Variants in ESRRG observed in about 807,000 individuals in gnomAD.
ESRRG encodes estrogen-related receptor gamma.
ESRRG carries 13 observed loss-of-function variants against 44.0 expected under a neutral mutation model. The ratio of observed to expected loss-of-function variants is 0.30; its 90% CI spans 0.19 to 0.47. The LOEUF (loss-of-function observed/expected upper bound fraction) is 0.47. ESRRG is among the 20% of genes least tolerant of loss of function. ESRRG has a pLI of 1.00. For missense variants in ESRRG, 395 were observed against 580.6 expected, an observed-to-expected ratio of 0.68 and a Z score of 3.29; for synonymous variants, 215 against 214.6, an observed-to-expected ratio of 1.00 and a Z score of -0.02.
chr1:216,779,837 C>A (rs532460790), intron 2 of ESRRG, among the ~76,000 whole-genome samples: 2 of 151,576 alleles, frequency 1.3e-5, no homozygotes, highest in African/African-American at 4.8e-5. Flanking sequence ...TGACCTTGGA[C>A]AGCTGGCTTA....
intron 2 of ESRRG, among the ~76,000 whole-genome samples, chr1:216,802,075 G>A (rs1223056360): frequency 1.3e-5 from 2 of 152,040 alleles, no homozygotes; most frequent in Non-Finnish European, 2.9e-5. Flanking sequence ...TCAGAATAAT[G>A]GTTAAAAAAA....
intron 3 of ESRRG, among the ~76,000 whole-genome samples, chr1:216,628,172 T>C (rs2063509684): frequency 1.3e-5 from 2 of 152,206 alleles, no homozygotes. Flanking sequence ...TCATGTCCTT[T>C]CTATACTTCC....
chr1:216,663,780 C>T (rs2073168265), intron 2 of ESRRG, among the ~76,000 whole-genome samples: 1 of 151,990 alleles, frequency 6.6e-6, no homozygotes, highest in African/African-American at 2.4e-5. Context: ...AAATAAGCCT[C>T]TTTCTTCCTA....
rs146734208 is a variant in ESRRG, at chr1:216,834,577, GA to G, written c.-14+105004del. Among the ~76,000 whole-genome samples the G allele has an allele frequency of 3.9e-3, 587 of 152,258 alleles. 4 individuals carry two copies. In the Middle Eastern group the frequency reaches 0.041, roughly 11 times the overall value. On this transcript the variant is annotated intron_variant, in intron 2 of 7. Transcript: ENST00000359162. The stretch of plus-strand genomic sequence containing the variant: ...GAGTCATTAACAAAATCACAGTCAG[GA>G]GGTGATAACCTGGAAAAGAAGATAA...
intron 2 of ESRRG, among the ~76,000 whole-genome samples, chr1:216,836,167 T>G (rs1039801491): frequency 3.9e-5 from 6 of 151,972 alleles, no homozygotes; most frequent in African/African-American, 1.4e-4. Flanking sequence ...TAGATCAATT[T>G]TCAAACCTAA....
chr1:216,605,748 A>G (rs1396557335), intron 3 of ESRRG, among the ~76,000 whole-genome samples: 1 of 152,158 alleles, frequency 6.6e-6, no homozygotes, highest in Non-Finnish European at 1.5e-5. Flanking sequence ...CTGAGGATCA[A>G]TCATTAGAGG....
At chr1:217,086,877 G>A (rs1224994505) in intron 1 of ESRRG, among the ~76,000 whole-genome samples, 1 of 152,044 alleles carries the variant, frequency 6.6e-6, no homozygotes, top group Non-Finnish European at 1.5e-5. Flanking sequence ...AACCTCCTTG[G>A]ATATGATTTG....
intron 5 of ESRRG, among the ~76,000 whole-genome samples, chr1:216,553,621 C>G (rs2056904150): frequency 6.6e-6 from 1 of 152,100 alleles, no homozygotes; most frequent in Admixed American, 6.6e-5. Context: ...CTATTGCTCT[C>G]AGAATTATCA....
chr1:216,703,976 T>C (rs185669630), intron 1 of ESRRG, among the ~76,000 whole-genome samples: 1 of 152,264 alleles, frequency 6.6e-6, no homozygotes, highest in Non-Finnish European at 1.5e-5. Context: ...AAAGACTTTT[T>C]GGGAAAAGGC....
intron 3 of ESRRG, among the ~76,000 whole-genome samples, chr1:216,619,763 C>G (rs2061931001): frequency 6.6e-6 from 1 of 152,122 alleles, no homozygotes; most frequent in Non-Finnish European, 1.5e-5. Flanking sequence ...GAAGACTTAA[C>G]AGATGCCTAA....
chr1:216,580,049 C>G (rs2062447077), intron 3 of ESRRG, among the ~76,000 whole-genome samples: 2 of 152,138 alleles, frequency 1.3e-5, no homozygotes. Context: ...ATTGAAAAAG[C>G]TTTGAAGGAT....
intron 1 of ESRRG, among the ~76,000 whole-genome samples, chr1:217,023,638 A>G (rs1460160778): frequency 6.6e-6 from 1 of 152,212 alleles, no homozygotes; most frequent in African/African-American, 2.4e-5. Flanking sequence ...CAACTCTGGA[A>G]ACCTCCTTCC....
At chr1:216,968,068 C>T (rs2070833498) in intron 1 of ESRRG, among the ~76,000 whole-genome samples, 2 of 151,992 alleles carry the variant, frequency 1.3e-5, no homozygotes, top group African/African-American at 4.8e-5. Flanking sequence ...TGGTCTTTTG[C>T]TTATTTTTTA....
intron 1 of ESRRG, among the ~76,000 whole-genome samples, chr1:216,696,441 C>G (rs1019039165): frequency 6.6e-6 from 1 of 151,994 alleles, no homozygotes; most frequent in Non-Finnish European, 1.5e-5. Flanking sequence ...CCATGATGTA[C>G]CTGTCTTGAC....
At chr1:216,799,579 T>A (rs1055530526) in intron 2 of ESRRG, among the ~76,000 whole-genome samples, 3 of 152,118 alleles carry the variant, frequency 2.0e-5, no homozygotes, top group Non-Finnish European at 4.4e-5. Flanking sequence ...TATGAATGGT[T>A]TCTCAATTCA....
chr1:216,527,855 C>T (rs529082957), intron 5 of ESRRG, among the ~76,000 whole-genome samples: 43 of 152,076 alleles, frequency 2.8e-4, no homozygotes, highest in African/African-American at 1.0e-3. Flanking sequence ...TGTAAGTGAC[C>T]CCTGAAGTAA....
intron 2 of ESRRG, among the ~76,000 whole-genome samples, chr1:216,900,052 T>C (rs1243774732): frequency 6.6e-6 from 1 of 152,224 alleles, no homozygotes; most frequent in Non-Finnish European, 1.5e-5. Context: ...TCAACAGTTT[T>C]GTCGTCTCTA....
chr1:216,802,911 C>G (rs2094669636), intron 2 of ESRRG, among the ~76,000 whole-genome samples: 1 of 152,152 alleles, frequency 6.6e-6, no homozygotes, highest in African/African-American at 2.4e-5. Context: ...TTTTACATAT[C>G]TTGAAGACAT....
intron 1 of ESRRG, among the ~76,000 whole-genome samples, chr1:216,999,617 A>C (rs917724691): frequency 3.3e-5 from 5 of 152,226 alleles, no homozygotes; most frequent in Non-Finnish European, 5.9e-5. Flanking sequence ...AAACTAAAAA[A>C]GATCCAGTAT....
Sources: gnomAD v4.1 joint callset for allele counts (sites outside exome capture counted in the v4.1 genomes callset) on GRCh38, gnomAD v4.1.1 for gene constraint, MANE v1.5 for transcripts, NCBI Gene and HGNC (gene_info 2026-07-23, HGNC 2026-07-21) for gene names.